Variants in VIT observed in about 807,000 individuals in gnomAD.
VIT encodes vitrin.
A neutral mutation model predicts 78.0 loss-of-function variants in VIT; 99 were observed. The observed-to-expected ratio is 1.27, with a 90% confidence interval of 1.08 to 1.50. The LOEUF is 1.50. Ranked by LOEUF, VIT falls within the 40% of genes most tolerant of loss-of-function variation. The pLI, the probability that VIT is intolerant of heterozygous loss-of-function variation, is 0.00. For synonymous variants in VIT, 374 were observed against 334.3 expected (o/e 1.12, Z -1.29); for missense variants, 1,126 against 875.3 (o/e 1.29, Z -3.61).
At chr2:36,731,746 A>C (rs1667223248) in intron 3 of VIT, among the ~76,000 whole-genome samples, 1 of 152,226 alleles carries the variant, frequency 6.6e-6, no homozygotes, top group Non-Finnish European at 1.5e-5. Flanking sequence ...TGTAGGCTTG[A>C]TGGAAGCTTA....
At chr2:36,738,853 A>G (rs571899398) in intron 3 of VIT, among the ~76,000 whole-genome samples, 2 of 152,312 alleles carry the variant, frequency 1.3e-5, no homozygotes, top group South Asian at 4.1e-4. Flanking sequence ...ATTTTTCCTA[A>G]TGGCAGCAAA....
At chr2:36,703,667 C>T (rs1665215157) in intron 1 of VIT, among the ~76,000 whole-genome samples, 1 of 152,138 alleles carries the variant, frequency 6.6e-6, no homozygotes, top group Non-Finnish European at 1.5e-5. Flanking sequence ...AACCTTGTAA[C>T]TAAGACCACT....
chr2:36,770,014 GT>G (rs1444155967), intron 7 of VIT, among the ~76,000 whole-genome samples: 2 of 152,166 alleles, frequency 1.3e-5, no homozygotes, highest in Non-Finnish European at 2.9e-5. Context: ...TCCTTATACT[GT>G]GATAGACAAG....
intron 11 of VIT, among the ~76,000 whole-genome samples, chr2:36,784,054 A>G (rs1331658505): frequency 6.6e-6 from 1 of 152,226 alleles, no homozygotes; most frequent in African/African-American, 2.4e-5. Flanking sequence ...AATGTGACTT[A>G]GGGAGACACA....
intron 10 of VIT, among the ~76,000 whole-genome samples, chr2:36,782,581 G>T (rs1302782545): frequency 2.6e-5 from 4 of 152,222 alleles, no homozygotes; most frequent in African/African-American, 9.6e-5. Flanking sequence ...TGCTGCAAGC[G>T]TGCTCTGCCT....
chr2:36,754,552 C>T (rs976752685), intron 4 of VIT, among the ~76,000 whole-genome samples: 5 of 152,084 alleles, frequency 3.3e-5, no homozygotes, highest in African/African-American at 1.2e-4. Context: ...TTTGGAATAA[C>T]TAAATTCATT....
At chr2:36,774,517 G>C in intron 8 of VIT, 1 of 985,388 alleles carries the variant, frequency 1.0e-6, no homozygotes, top group South Asian at 4.7e-5. Flanking sequence ...AGGACACTAG[G>C]ATCAGAAGCA....
intron 10 of VIT, 121 bp from the exon 11 acceptor site, chr2:36,783,219 C>A: frequency 1.3e-6 from 1 of 793,844 alleles, no homozygotes; most frequent in Non-Finnish European, 2.0e-6. Context: ...AAAAAAAGCA[C>A]AGTTAGCTTT....
chr2:36,761,261 A>G, intron 6 of VIT, among the ~76,000 whole-genome samples: 1 of 152,144 alleles, frequency 6.6e-6, no homozygotes, highest in Non-Finnish European at 1.5e-5. Flanking sequence ...AGTGTGAAGG[A>G]AGGGAGAAAA....
In VIT at chr2:36,790,889, A is replaced by G. The variant is rs576726955; in HGVS notation, c.1058+3613A>G. On this transcript the variant is annotated intron_variant, in intron 12 of 15. Coordinates refer to ENST00000379242, the MANE Select transcript of VIT (RefSeq NM_053276.4). ...ATAATTGCACCTAATACCAACAGGAACACGGAAAGAGTCAATGAAAGAACA... is the reference window on the plus strand; with the variant it reads ...ATAATTGCACCTAATACCAACAGGAGCACGGAAAGAGTCAATGAAAGAACA... 8.1e-4 allele frequency among the ~76,000 whole-genome samples: 104 copies of G among 128,714 alleles called. 1 individual carries two copies. Among genetic ancestry groups the G allele is most frequent in the Non-Finnish European group, 1.6e-3 (97 of 61,976 alleles). The allele number at this position is 128,714 out of a possible 152,430, so 84.4% of individuals were successfully genotyped here.
intron 13 of VIT, among the ~76,000 whole-genome samples, 158 bp downstream of exon 13, chr2:36,801,562 C>T (rs562582168): frequency 6.6e-6 from 1 of 152,306 alleles, no homozygotes; most frequent in East Asian, 1.9e-4. Context: ...TATCCCAGCA[C>T]TTTGGGAGGC....
chr2:36,717,629 A>G (rs757055282), intron 2 of VIT, among the ~76,000 whole-genome samples: 22 of 152,142 alleles, frequency 1.4e-4, no homozygotes, highest in Non-Finnish European at 2.8e-4. Flanking sequence ...GAAGTGCTCA[A>G]CTGAAGTGCT....
intron 4 of VIT, among the ~76,000 whole-genome samples, chr2:36,753,846 AG>A (rs902686815): frequency 4.6e-5 from 7 of 152,136 alleles, no homozygotes; most frequent in Admixed American, 3.9e-4. Flanking sequence ...AACTCTTGAG[AG>A]GTAGATGGGA....
intron 11 of VIT, among the ~76,000 whole-genome samples, chr2:36,784,512 GT>G (rs1349121207): frequency 6.6e-6 from 1 of 152,198 alleles, no homozygotes; most frequent in African/African-American, 2.4e-5. Context: ...AATCCCAGGA[GT>G]CTTCATTTGT....
intron 6 of VIT, among the ~76,000 whole-genome samples, chr2:36,762,747 T>G (rs1037721945): frequency 2.0e-5 from 3 of 152,124 alleles, no homozygotes; most frequent in African/African-American, 4.8e-5. Flanking sequence ...ACAATATGAA[T>G]TAACAGGCTA....
intron 6 of VIT, among the ~76,000 whole-genome samples, chr2:36,765,282 C>T (rs1362053188): frequency 6.6e-6 from 1 of 152,124 alleles, no homozygotes; most frequent in Non-Finnish European, 1.5e-5. Context: ...GCTATAAAGA[C>T]ACTACCCAAG....
At chr2:36,727,996 T>C (rs187375240) in intron 2 of VIT, among the ~76,000 whole-genome samples, 22 of 152,224 alleles carry the variant, frequency 1.4e-4, no homozygotes, top group Admixed American at 3.9e-4. Flanking sequence ...TGGTGTGATC[T>C]CGGCTCACTG....
chr2:36,777,226 ACT>A (rs1335809369), intron 9 of VIT, among the ~76,000 whole-genome samples: 1 of 151,586 alleles, frequency 6.6e-6, no homozygotes, highest in Non-Finnish European at 1.5e-5. Context: ...AATAGATATA[ACT>A]CGTACAAACT....
chr2:36,796,509 G>C (rs1347932301), intron 12 of VIT, among the ~76,000 whole-genome samples: 3 of 152,132 alleles, frequency 2.0e-5, no homozygotes, highest in Non-Finnish European at 2.9e-5. Context: ...ACAGGGAATC[G>C]ACAATTGCTC....
Sources: gnomAD v4.1 joint callset for allele counts (sites outside exome capture counted in the v4.1 genomes callset) on GRCh38, gnomAD v4.1.1 for gene constraint, MANE v1.5 for transcripts, NCBI Gene and HGNC (gene_info 2026-07-23, HGNC 2026-07-21) for gene names.